SBF2: variants seen among roughly 807,000 people sequenced by gnomAD.
SBF2 encodes SET binding factor 2.
In SBF2, 112 loss-of-function variants were observed where a neutral mutation model predicts 225.2. The ratio of observed to expected loss-of-function variants is 0.50; its 90% CI spans 0.43 to 0.58. The LOEUF (loss-of-function observed/expected upper bound fraction) is 0.58. Ranked by LOEUF, SBF2 falls within the 20% of genes least tolerant of loss-of-function variation. SBF2 has a pLI of 0.00. For missense variants in SBF2, 1,996 were observed against 2,206.2 expected (o/e 0.90, Z 1.91); for synonymous variants, 763 against 773.3 (o/e 0.99, Z 0.22).
intron 13 of SBF2, among the ~76,000 whole-genome samples, chr11:9,981,889 C>T (rs370139460): frequency 2.4e-4 from 37 of 152,270 alleles, no homozygotes; most frequent in South Asian, 8.3e-4. Context: ...AAAATCACAT[C>T]TTCCCTCAAC....
chr11:10,112,902 A>G (rs1488865775), intron 2 of SBF2, among the ~76,000 whole-genome samples: 1 of 152,188 alleles, frequency 6.6e-6, no homozygotes, highest in East Asian at 1.9e-4. Context: ...ACAGAAAACA[A>G]TTTTTCTATC....
intron 2 of SBF2, among the ~76,000 whole-genome samples, chr11:10,156,432 C>T (rs1286304060): frequency 1.2e-4 from 19 of 152,202 alleles, no homozygotes; most frequent in Admixed American, 1.2e-3. Context: ...CATGAAGGGG[C>T]CGGTCCTCGG....
chr11:10,059,559 A>C (rs968071342), intron 2 of SBF2, among the ~76,000 whole-genome samples: 2 of 152,154 alleles, frequency 1.3e-5, no homozygotes, highest in Admixed American at 6.5e-5. Flanking sequence ...GTTTCCACCC[A>C]AAAACAACAG....
intron 2 of SBF2, among the ~76,000 whole-genome samples, chr11:10,164,573 T>C (rs1014055919): frequency 2.2e-4 from 33 of 152,326 alleles, no homozygotes; most frequent in Admixed American, 1.4e-3. Flanking sequence ...GCGCTCTTAG[T>C]TCAGTTACCA....
chr11:9,892,731 G>A lies in SBF2; in HGVS notation c.1929+3212C>T, dbSNP rs186842602. Among the ~76,000 whole-genome samples, 5 of 151,950 alleles carry A rather than the reference G, an allele frequency of 3.3e-5. No individual in the cohort carries two copies. The East Asian group carries it at 9.7e-4, about 29-fold the overall frequency. ...TACGCCACCACGCCCGGCTAATTTC[G>A]TATTTTTAGTAGAGATGGGGATTCT... On this transcript the variant is annotated intron_variant, in intron 17 of 39. Coordinates refer to ENST00000256190, the MANE Select transcript of SBF2 (RefSeq NM_030962.4).
At chr11:10,153,784 A>C (rs982078763) in intron 2 of SBF2, among the ~76,000 whole-genome samples, 1 of 152,098 alleles carries the variant, frequency 6.6e-6, no homozygotes, top group Admixed American at 6.5e-5. Flanking sequence ...AAAAGAAAGA[A>C]GGAAGTTTTA....
At chr11:10,083,577 C>T (rs957277623) in intron 2 of SBF2, among the ~76,000 whole-genome samples, 12 of 152,136 alleles carry the variant, frequency 7.9e-5, no homozygotes, top group African/African-American at 2.6e-4. Context: ...AGCCACATGC[C>T]TACAGACAAT....
At chr11:10,194,054 T>G in intron 1 of SBF2, 67 bp from the exon 2 acceptor site, 1 of 982,372 alleles carries the variant, frequency 1.0e-6, no homozygotes, top group South Asian at 1.3e-5. Context: ...CATTCTACTC[T>G]TACTTATTTC....
intron 2 of SBF2, among the ~76,000 whole-genome samples, chr11:10,108,405 TTAAC>T (rs1398387092): frequency 1.3e-5 from 2 of 152,142 alleles, no homozygotes; most frequent in African/African-American, 4.8e-5. Context: ...GTTCCCTGTG[TTAAC>T]TATGAAGTGG....
intron 17 of SBF2, among the ~76,000 whole-genome samples, chr11:9,870,458 T>C (rs1402859928): frequency 2.0e-5 from 3 of 152,152 alleles, no homozygotes; most frequent in South Asian, 4.1e-4. Flanking sequence ...CAGACTATAC[T>C]ACAAGGCTAC....
chr11:10,116,157 A>T (rs926990704), intron 2 of SBF2, among the ~76,000 whole-genome samples: 5 of 152,192 alleles, frequency 3.3e-5, no homozygotes, highest in Non-Finnish European at 7.3e-5. Context: ...CGACAGAGCG[A>T]GACTCCCTCT....
intron 1 of SBF2, among the ~76,000 whole-genome samples, chr11:10,285,275 C>T (rs1009001450): frequency 1.3e-5 from 2 of 151,812 alleles, no homozygotes; most frequent in African/African-American, 2.4e-5. Context: ...GTGCGACTGC[C>T]TTCCTGCCTG....
At chr11:10,212,779 C>T (rs1311695513) in intron 1 of SBF2, among the ~76,000 whole-genome samples, 4 of 152,268 alleles carry the variant, frequency 2.6e-5, no homozygotes, top group Admixed American at 6.5e-5. Flanking sequence ...CGGCAGGGCG[C>T]GCTGGCTCAC....
intron 13 of SBF2, among the ~76,000 whole-genome samples, chr11:9,969,209 G>T (rs1485789031): frequency 1.3e-5 from 2 of 152,162 alleles, no homozygotes; most frequent in African/African-American, 4.8e-5. Flanking sequence ...TTCCTCTGCA[G>T]ATCTTGTGGA....
At chr11:10,117,910 A>G (rs1434258720) in intron 2 of SBF2, among the ~76,000 whole-genome samples, 3 of 152,162 alleles carry the variant, frequency 2.0e-5, no homozygotes, top group Non-Finnish European at 4.4e-5. Context: ...CTTTTGGTCA[A>G]AAGTTCTTTC....
At position 9,779,682 on chromosome 11, in the gene SBF2, A is replaced by C. The variant is rs914973467; in HGVS notation, c.*736T>G. The C allele has an allele frequency of 1.3e-5, 2 of 152,818 alleles. No individual in the cohort carries two copies. The highest frequency in any genetic ancestry group is 4.8e-5 in the African/African-American group (2 of 41,444). The allele number at this position is 152,818 out of a possible 1,614,324, so 9.5% of individuals were successfully genotyped here. On this transcript the variant is annotated 3_prime_UTR_variant, in exon 40 of 40. Transcript: ENST00000256190. ...TGAAAAAGAAGCTGTCAGGAAGCAGAAGATACATAAGAACACAAGGCCCTG... is the reference window on the plus strand; with the variant it reads ...TGAAAAAGAAGCTGTCAGGAAGCAGCAGATACATAAGAACACAAGGCCCTG...
At chr11:9,850,824 A>T (rs548426215) in intron 21 of SBF2, among the ~76,000 whole-genome samples, 1 of 152,232 alleles carries the variant, frequency 6.6e-6, no homozygotes, top group African/African-American at 2.4e-5. Context: ...ACATAGATCT[A>T]TATGTGTTAA....
intron 1 of SBF2, among the ~76,000 whole-genome samples, chr11:10,196,866 A>ATATTTTTTTTT: frequency 8.1e-5 from 8 of 99,314 alleles, no homozygotes; most frequent in African/African-American, 2.8e-4. Flanking sequence ...ATATATATAT[A>ATATTTTTTTTT]TTTTTTTTTT....
intron 26 of SBF2, among the ~76,000 whole-genome samples, chr11:9,836,202 G>A (rs2220970): frequency 0.79 from 120,502 of 152,024 alleles, 48,878 homozygotes; most frequent in Non-Finnish European, 0.86. Context: ...CAAGGTCATG[G>A]AGACATTCTC....
Sources: allele counts gnomAD v4.1 joint callset (sites outside exome capture counted in the v4.1 genomes callset), GRCh38; gene constraint gnomAD v4.1.1; transcripts MANE v1.5; gene names NCBI Gene and HGNC (gene_info 2026-07-23, HGNC 2026-07-21).